The following ULK4 variants were observed in gnomAD, a reference collection of about 807,000 sequenced individuals.
ULK4 encodes the protein unc-51 like kinase 4.
In ULK4, 133 loss-of-function variants were observed where a neutral mutation model predicts 160.6. That is an observed-to-expected ratio of 0.83 (90% confidence interval 0.72 to 0.96). The LOEUF is 0.96. Ranked by LOEUF, ULK4 falls within the 40% of genes least tolerant of loss-of-function variation. The probability of loss-of-function intolerance (pLI) is 0.00; values close to 1 mark genes in which losing one functional copy is unlikely to be tolerated. For missense variants in ULK4, 1,580 were observed against 1,499.5 expected (o/e 1.05, Z -0.89); for synonymous variants, 534 against 539.8 (o/e 0.99, Z 0.15).
intron 22 of ULK4, among the ~76,000 whole-genome samples, chr3:41,742,211 C>T (rs2038264374): frequency 1.3e-5 from 2 of 151,862 alleles, no homozygotes; most frequent in Non-Finnish European, 2.9e-5. Context: ...GAAGTACAGG[C>T]AAAGCAGAAT....
At chr3:41,474,744 A>T (rs2084088278) in intron 32 of ULK4, among the ~76,000 whole-genome samples, 1 of 151,510 alleles carries the variant, frequency 6.6e-6, no homozygotes, top group Non-Finnish European at 1.5e-5. Flanking sequence ...GATACATGAA[A>T]AGATGCTCAT....
intron 32 of ULK4, among the ~76,000 whole-genome samples, chr3:41,506,769 T>TATATATATAAATATAA (rs1559658060): frequency 1.9e-4 from 6 of 31,616 alleles, no homozygotes; most frequent in Non-Finnish European, 3.2e-4. Context: ...TGATTTAAAA[T>TATATATATAAATATAA]ATATATATAT....
At chr3:41,322,096 A>T (rs1203636976) in intron 35 of ULK4, among the ~76,000 whole-genome samples, 5 of 144,244 alleles carry the variant, frequency 3.5e-5, no homozygotes, top group South Asian at 2.2e-4. Flanking sequence ...CAGTGGCGCG[A>T]TCTCGGCTCA....
At chr3:41,669,978 C>G (rs1272036379) in intron 29 of ULK4, among the ~76,000 whole-genome samples, 1 of 152,104 alleles carries the variant, frequency 6.6e-6, no homozygotes, top group Non-Finnish European at 1.5e-5. Context: ...AAATGGCAGG[C>G]AAGAAGCAAA....
intron 31 of ULK4, among the ~76,000 whole-genome samples, chr3:41,602,881 T>C (rs2032187183): frequency 6.6e-6 from 1 of 150,820 alleles, no homozygotes; most frequent in Non-Finnish European, 1.5e-5. Context: ...CAAATAAAAA[T>C]GAAATTCTAA....
At chr3:41,531,477 AGGG>A in intron 32 of ULK4, among the ~76,000 whole-genome samples, 1 of 105,258 alleles carries the variant, frequency 9.5e-6, no homozygotes, top group Non-Finnish European at 1.9e-5. Flanking sequence ...AGGGGAGAGG[AGGG>A]GAGAGGAGAG....
intron 31 of ULK4, among the ~76,000 whole-genome samples, chr3:41,603,682 T>C (rs1056278312): frequency 1.6e-4 from 24 of 152,082 alleles, no homozygotes; most frequent in African/African-American, 5.8e-4. Flanking sequence ...TTTTCTGGTA[T>C]AGATATTGTA....
At chr3:41,764,032 T>G (rs1279862851) in intron 21 of ULK4, among the ~76,000 whole-genome samples, 1 of 152,158 alleles carries the variant, frequency 6.6e-6, no homozygotes, top group African/African-American at 2.4e-5. Context: ...CTTATTCTAA[T>G]CCATGAGGAG....
intron 32 of ULK4, among the ~76,000 whole-genome samples, chr3:41,472,704 C>T (rs896853118): frequency 1.7e-4 from 26 of 151,916 alleles, no homozygotes; most frequent in African/African-American, 5.6e-4. Flanking sequence ...TAAAGAAAAA[C>T]TAATACCAAT....
intron 2 of ULK4, among the ~76,000 whole-genome samples, chr3:41,949,164 C>A (rs1291960418): frequency 6.6e-6 from 1 of 151,886 alleles, no homozygotes; most frequent in East Asian, 1.9e-4. Context: ...AAAAAATTAG[C>A]CAGGCGTGGT....
intron 35 of ULK4, among the ~76,000 whole-genome samples, chr3:41,391,039 G>A (rs990884146): frequency 6.6e-6 from 1 of 152,068 alleles, no homozygotes; most frequent in Non-Finnish European, 1.5e-5. Context: ...ACATATGAGT[G>A]AGAACATGCA....
chr3:41,418,382 C>A (rs2082582138), intron 34 of ULK4, among the ~76,000 whole-genome samples: 1 of 149,696 alleles, frequency 6.7e-6, no homozygotes, highest in South Asian at 2.1e-4. Flanking sequence ...AGTTTGTCTG[C>A]AAGTTTTTTC....
chr3:41,761,125 G>C (rs1444827590), intron 21 of ULK4, among the ~76,000 whole-genome samples: 1 of 152,040 alleles, frequency 6.6e-6, no homozygotes, highest in Non-Finnish European at 1.5e-5. Context: ...AGCAGCACAA[G>C]GTCATTCTTT....
At chr3:41,614,390 C>G (rs186529602) in intron 31 of ULK4, among the ~76,000 whole-genome samples, 5 of 152,286 alleles carry the variant, frequency 3.3e-5, no homozygotes, top group African/African-American at 1.2e-4. Flanking sequence ...CACTGTCCTC[C>G]AAAACAAATT....
At chr3:41,384,601 T>A (rs1344965011) in intron 35 of ULK4, among the ~76,000 whole-genome samples, 1 of 152,124 alleles carries the variant, frequency 6.6e-6, no homozygotes, top group African/African-American at 2.4e-5. Flanking sequence ...AAATTTTTTT[T>A]CGAGACAGAG....
At chr3:41,873,461 A>G (rs925627137) in intron 17 of ULK4, among the ~76,000 whole-genome samples, 2 of 151,836 alleles carry the variant, frequency 1.3e-5, no homozygotes, top group African/African-American at 4.8e-5. Context: ...ACTTTTGAAA[A>G]TTTCCCTCAC....
At chr3:41,250,936 T>G (rs1192980717) in intron 35 of ULK4, 1 of 152,198 alleles carries the variant, frequency 6.6e-6, no homozygotes, top group Non-Finnish European at 1.5e-5. Flanking sequence ...GAAGGTACAC[T>G]CCCCATCAGG....
chr3:41,596,170 A>C (rs1204459463), intron 31 of ULK4, among the ~76,000 whole-genome samples: 1 of 152,204 alleles, frequency 6.6e-6, no homozygotes, highest in African/African-American at 2.4e-5. Flanking sequence ...TGGTGTTGGA[A>C]TGGAACACTT....
chr3:41,324,939 T>C (rs1391994531), intron 35 of ULK4, among the ~76,000 whole-genome samples: 1 of 152,116 alleles, frequency 6.6e-6, no homozygotes, highest in African/African-American at 2.4e-5. Context: ...TGGAAAAACA[T>C]AGGCACCACG....
Sources: gnomAD v4.1 joint callset for allele counts (sites outside exome capture counted in the v4.1 genomes callset) on GRCh38, gnomAD v4.1.1 for gene constraint, MANE v1.5 for transcripts, NCBI Gene and HGNC (gene_info 2026-07-23, HGNC 2026-07-21) for gene names.